Variants in XCR1 observed in about 807,000 individuals in gnomAD.
XCR1 encodes the protein X-C motif chemokine receptor 1, also known as chemokine XC receptor 1.
For missense variants in XCR1, 356 were observed against 424.2 expected (o/e 0.84, Z 1.41); for synonymous variants, 187 against 188.5 (o/e 0.99, Z 0.06).
chr3:46,084,976 G>T (rs1359845613), intron 1 of XCR1, among the ~76,000 whole-genome samples: 5 of 151,656 alleles, frequency 3.3e-5, no homozygotes, highest in Non-Finnish European at 7.4e-5. Flanking sequence ...TTTAAAGCCT[G>T]AATGCAACAA....
intron 5 of XCR1, among the ~76,000 whole-genome samples, chr3:46,033,092 C>T (rs1178951332): frequency 6.3e-5 from 9 of 142,546 alleles, no homozygotes; most frequent in Non-Finnish European, 1.3e-4. Flanking sequence ...ATTCTTTTAA[C>T]AAGGTTTTTT....
chr3:46,065,530 GACAGTAAAATTC>G (rs1333206638), intron 4 of XCR1, among the ~76,000 whole-genome samples: 1 of 152,208 alleles, frequency 6.6e-6, no homozygotes, highest in Non-Finnish European at 1.5e-5. Context: ...GATGTCGGGT[GACAGTAAAATTC>G]ACCGACTCCT....
chr3:46,040,362 A>T (rs1262934299), intron 5 of XCR1, among the ~76,000 whole-genome samples: 1 of 152,182 alleles, frequency 6.6e-6, no homozygotes. Context: ...CAAGTTCCAA[A>T]TTCAGTCTTT....
At chr3:46,044,335 G>A (rs894058157) in intron 5 of XCR1, among the ~76,000 whole-genome samples, 7 of 152,084 alleles carry the variant, frequency 4.6e-5, no homozygotes, top group Non-Finnish European at 1.5e-5. Flanking sequence ...ATTATATTGA[G>A]TACCTTTTTA....
In XCR1 at chr3:46,035,865, G is replaced by A. The variant is rs151238859; in HGVS notation, c.-31-13887C>T. 8.0e-3 allele frequency among the ~76,000 whole-genome samples: 1,224 copies of A among 152,268 alleles called. 5 individuals are homozygous for A. Among genetic ancestry groups the A allele is most frequent in the Middle Eastern group, 0.017 (5 of 294 alleles). On this transcript the variant is annotated intron_variant, in intron 5 of 5. Coordinates refer to the XCR1 transcript ENST00000683768. ...ATTGTTTGTGTGTGTGTCCAGGCAA[G>A]TGAGTGTCTTTTGTGGGTACCAGAT...
chr3:46,023,263 C>G (rs1708203052), intron 1 of XCR1: 2 of 673,162 alleles, frequency 3.0e-6, no homozygotes, highest in South Asian at 1.8e-5. Context: ...TTCCCTGGCC[C>G]CACCGCTCCC....
intron 3 of XCR1, among the ~76,000 whole-genome samples, chr3:46,067,643 T>C (rs1698100324): frequency 6.6e-6 from 1 of 152,186 alleles, no homozygotes; most frequent in South Asian, 2.1e-4. Flanking sequence ...CCCAAATTCC[T>C]GCCCCAGGGA....
intron 1 of XCR1, among the ~76,000 whole-genome samples, chr3:46,027,000 C>T (rs1708305799): frequency 6.6e-6 from 1 of 151,972 alleles, no homozygotes; most frequent in Non-Finnish European, 1.5e-5. Context: ...CTCACCTTAG[C>T]CTCCTGAGTA....
At chr3:46,040,212 C>A (rs1486487702) in intron 5 of XCR1, among the ~76,000 whole-genome samples, 1 of 152,056 alleles carries the variant, frequency 6.6e-6, no homozygotes, top group African/African-American at 2.4e-5. Context: ...GAAACGGACT[C>A]CTCTTTATCA....
At chr3:46,023,227 C>T (rs1396717245) in intron 1 of XCR1, 1 of 560,208 alleles carries the variant, frequency 1.8e-6, no homozygotes, top group Non-Finnish European at 3.1e-6. Context: ...GCGGCTGCGT[C>T]GCGCTCCCCT....
intron 3 of XCR1, among the ~76,000 whole-genome samples, chr3:46,072,938 A>T (rs1698187769): frequency 1.3e-5 from 2 of 152,214 alleles, no homozygotes; most frequent in South Asian, 4.1e-4. Flanking sequence ...GATCAGTATG[A>T]CAGAATAGAG....
intron 3 of XCR1, among the ~76,000 whole-genome samples, chr3:46,073,145 TAA>T (rs1409070901): frequency 1.3e-5 from 2 of 152,106 alleles, no homozygotes; most frequent in Admixed American, 6.5e-5. Context: ...GACTTAAATA[TAA>T]GACTCAAAAC....
Position 46,020,546 on chromosome 3 carries a change from T to G in XCR1, c.*400A>C. The G allele has an allele frequency of 1.1e-5, 2 of 182,202 alleles. No individual in the cohort carries two copies. The highest frequency in any genetic ancestry group is 2.3e-5 in the Non-Finnish European group (2 of 86,244). The allele number at this position is 182,202 out of a possible 1,614,324, so 11.3% of individuals were successfully genotyped here. A position where few individuals can be genotyped will look rare whatever the true frequency, so the allele number is the denominator to read the frequency against. ...ACCTTACAGTCAGGGAAGGGAGGCA[T>G]TGTCTTGTCAGCATCGTGCAGTTAT... is the stretch of plus-strand genomic sequence containing the variant. On this transcript the variant is annotated 3_prime_UTR_variant, in exon 2 of 2. Transcript: ENST00000309285.
At chr3:46,056,482 TA>T (rs1401638592) in intron 4 of XCR1, among the ~76,000 whole-genome samples, 8 of 152,128 alleles carry the variant, frequency 5.3e-5, no homozygotes, top group African/African-American at 1.9e-4. Flanking sequence ...TTCTTTCTTT[TA>T]TTTTTTTTGA....
chr3:46,034,380 T>C (rs1697378427), intron 5 of XCR1, among the ~76,000 whole-genome samples: 1 of 152,242 alleles, frequency 6.6e-6, no homozygotes, highest in African/African-American at 2.4e-5. Flanking sequence ...GATTTTATAC[T>C]GTGAGAACCA....
intron 5 of XCR1, among the ~76,000 whole-genome samples, chr3:46,046,960 A>G (rs928859494): frequency 6.6e-6 from 1 of 152,256 alleles, no homozygotes; most frequent in African/African-American, 2.4e-5. Context: ...TAAGTTGGTT[A>G]CACAAATATG....
chr3:46,020,877 C>T lies in XCR1; in HGVS notation c.*69G>A. ...TGTGTTCTGCAATGCTCCTTCCAGGCCCGCTTCTCCATGACCCCCATTCCA... is the reference window on the plus strand; with the variant it reads ...TGTGTTCTGCAATGCTCCTTCCAGGTCCGCTTCTCCATGACCCCCATTCCA... On this transcript the variant is annotated 3_prime_UTR_variant, in exon 2 of 2. Transcript: ENST00000309285. The T allele has an allele frequency of 5.8e-6, 9 of 1,544,416 alleles. No individual in the cohort carries two copies. Among genetic ancestry groups the T allele is most frequent in the Non-Finnish European group, 7.0e-6 (8 of 1,148,408 alleles).
intron 1 of XCR1, among the ~76,000 whole-genome samples, chr3:46,024,749 A>T (rs1198768785): frequency 1.3e-5 from 2 of 152,172 alleles, no homozygotes; most frequent in Non-Finnish European, 2.9e-5. Flanking sequence ...AGTTTACATG[A>T]TTAATCAGGG....
At chr3:46,062,563 G>C (rs750800375) in intron 4 of XCR1, among the ~76,000 whole-genome samples, 1 of 152,220 alleles carries the variant, frequency 6.6e-6, no homozygotes, top group African/African-American at 2.4e-5. Context: ...CTGCATCTCT[G>C]TCTAAAGGCT....
Sources: allele counts gnomAD v4.1 joint callset (sites outside exome capture counted in the v4.1 genomes callset), GRCh38; gene constraint gnomAD v4.1.1; transcripts MANE v1.5; gene names NCBI Gene and HGNC (gene_info 2026-07-23, HGNC 2026-07-21).